RB1CC1: variants seen among roughly 807,000 people sequenced by gnomAD.
RB1CC1 encodes the protein RB1 inducible coiled-coil 1.
Under a neutral mutation model 177.5 loss-of-function variants are expected in RB1CC1, and 46 were observed. That is an observed-to-expected ratio of 0.26 (90% CI 0.20 to 0.33). The LOEUF is 0.33. Ranked by LOEUF, RB1CC1 falls within the 10% of genes least tolerant of loss-of-function variation. The probability of loss-of-function intolerance (pLI) is 1.00; values close to 1 mark genes in which losing one functional copy is unlikely to be tolerated. For missense variants in RB1CC1, 1,703 were observed against 1,816.3 expected, an observed-to-expected ratio of 0.94 and a Z score of 1.13; for synonymous variants, 666 against 613.6, an observed-to-expected ratio of 1.09 and a Z score of -1.26.
intron 20 of RB1CC1, among the ~76,000 whole-genome samples, chr8:52,631,228 C>G (rs1344052044): frequency 6.6e-6 from 1 of 152,060 alleles, no homozygotes; most frequent in Admixed American, 6.6e-5. Flanking sequence ...ACTTAGTTGT[C>G]CCAACGAACA....
chr8:52,696,738 C>G (rs1220418727), intron 1 of RB1CC1, among the ~76,000 whole-genome samples: 1 of 152,196 alleles, frequency 6.6e-6, no homozygotes, highest in Non-Finnish European at 1.5e-5. Flanking sequence ...CACAGTGGCT[C>G]ATGCCTGTAA....
At chr8:52,645,399 G>C (rs913568277) in intron 16 of RB1CC1, among the ~76,000 whole-genome samples, 5 of 152,134 alleles carry the variant, frequency 3.3e-5, no homozygotes, top group African/African-American at 1.2e-4. Context: ...CATAGGTAGC[G>C]AAGAAACCAG....
At chr8:52,635,978 T>A (rs374345878) in intron 19 of RB1CC1, 37 bp downstream of exon 19, 3 of 1,599,918 alleles carry the variant, frequency 1.9e-6, no homozygotes, top group Non-Finnish European at 2.6e-6. Context: ...AAAGTGAACA[T>A]ATTAAACATG....
chr8:52,712,674 T>C (rs1857159749), intron 1 of RB1CC1, among the ~76,000 whole-genome samples: 2 of 152,214 alleles, frequency 1.3e-5, no homozygotes, highest in South Asian at 4.1e-4. Flanking sequence ...CAATATCCAC[T>C]TTCCATCAAC....
At chr8:52,683,478 T>G in intron 5 of RB1CC1, 71 bp downstream of exon 5, 1 of 1,307,260 alleles carries the variant, frequency 7.6e-7, no homozygotes, top group Non-Finnish European at 1.0e-6. Context: ...CCTATGCAAT[T>G]TAGACTACTG....
rs1205274477 is a variant in RB1CC1, at chr8:52,678,970, C to T, written c.370-2399G>A. ...TCTCCTTCATGAAACCAACCAAATACAAAAGGGAAACAAGACACCATCTTG... is the reference window on the plus strand; with the variant it reads ...TCTCCTTCATGAAACCAACCAAATATAAAAGGGAAACAAGACACCATCTTG... On this transcript the variant is annotated intron_variant, in intron 5 of 23. Transcript: ENST00000025008. Among the ~76,000 whole-genome samples, 60 of 152,204 alleles carry T rather than the reference C, an allele frequency of 3.9e-4. No homozygotes were observed. The South Asian group carries it at 0.012, about 31-fold the overall frequency.
intron 21 of RB1CC1, among the ~76,000 whole-genome samples, chr8:52,628,881 C>T (rs113766598): frequency 0.019 from 2,829 of 152,252 alleles, 97 homozygotes; most frequent in African/African-American, 0.066. Flanking sequence ...TCAAAATCAG[C>T]TGGGGAAACT....
intron 7 of RB1CC1, 63 bp from the exon 8 acceptor site, chr8:52,668,254 G>T: frequency 1.3e-6 from 2 of 1,554,332 alleles, no homozygotes; most frequent in Non-Finnish European, 1.8e-6. Context: ...TGTATTTCAT[G>T]CTATTCTGAC....
chr8:52,707,438 T>C (rs1269515583), intron 1 of RB1CC1, among the ~76,000 whole-genome samples: 7 of 150,282 alleles, frequency 4.7e-5, no homozygotes, highest in African/African-American at 1.5e-4. Flanking sequence ...CTTTCTTTTT[T>C]TTTTTTTTTT....
chr8:52,660,874 T>TA, intron 11 of RB1CC1, 52 bp downstream of exon 11: 2 of 1,476,906 alleles, frequency 1.4e-6, no homozygotes. Context: ...TCCAAGCTTA[T>TA]AAAAACTTTT....
At chr8:52,632,913 G>GC (rs1330606214) in intron 20 of RB1CC1, among the ~76,000 whole-genome samples, 2 of 152,048 alleles carry the variant, frequency 1.3e-5, no homozygotes, top group African/African-American at 4.8e-5. Context: ...TGCTTTCTCG[G>GC]CCCCACTGCT....
intron 6 of RB1CC1, among the ~76,000 whole-genome samples, chr8:52,675,853 C>CTCCA (rs1853072088): frequency 6.7e-6 from 1 of 148,296 alleles, no homozygotes; most frequent in African/African-American, 2.5e-5. Context: ...CACCACTGTA[C>CTCCA]TCCAGCCTGG....
At chr8:52,665,224 A>C (rs1851965672) in intron 8 of RB1CC1, among the ~76,000 whole-genome samples, 1 of 152,258 alleles carries the variant, frequency 6.6e-6, no homozygotes, top group Non-Finnish European at 1.5e-5. Context: ...TATAATAGAC[A>C]AAGAACTATC....
At chr8:52,706,248 C>A (rs1231671988) in intron 1 of RB1CC1, among the ~76,000 whole-genome samples, 4 of 151,938 alleles carry the variant, frequency 2.6e-5, no homozygotes, top group Non-Finnish European at 5.9e-5. Context: ...AGATTCCCAC[C>A]AGCCTTCCCT....
In RB1CC1 at chr8:52,661,560, C is replaced by T. The variant is rs768942919; in HGVS notation, c.1333G>A (p.Ala445Thr). 13 of 1,607,376 alleles carry T rather than the reference C, an allele frequency of 8.1e-6. No homozygotes were observed. Among genetic ancestry groups the T allele is most frequent in the Non-Finnish European group, 1.0e-5 (12 of 1,177,472 alleles). Residue 445 changes from alanine to threonine, a missense_variant, in exon 9 of 24, where the codon GCA (alanine) becomes ACA (threonine). Physicochemically the swap from Ala to Thr is moderately conservative, Grantham distance 58. Coordinates refer to ENST00000025008, the MANE Select transcript of RB1CC1 (RefSeq NM_014781.5). ...QKCTTAKQEL[A>T]NNLHVRLKWC... is the part of the protein sequence containing the mutation. ...TTCAGTCTGACATGTAGGTTATTTG[C>T]TAGTTCTTGTTTGGCAGTGGTACAC...
chr8:52,637,065 G>A (rs546240457), intron 18 of RB1CC1, among the ~76,000 whole-genome samples: 1 of 152,176 alleles, frequency 6.6e-6, no homozygotes, highest in Non-Finnish European at 1.5e-5. Context: ...TGGGACTCTT[G>A]CAATTCCATA....
At chr8:52,672,218 G>A (rs1022274355) in intron 7 of RB1CC1, among the ~76,000 whole-genome samples, 1 of 151,966 alleles carries the variant, frequency 6.6e-6, no homozygotes, top group African/African-American at 2.4e-5. Flanking sequence ...CTTACCTCAC[G>A]TGATCCTCTC....
At chr8:52,635,309 A>G (rs1276863293) in intron 19 of RB1CC1, among the ~76,000 whole-genome samples, 2 of 152,184 alleles carry the variant, frequency 1.3e-5, no homozygotes, top group African/African-American at 4.8e-5. Context: ...CATCTGTAAC[A>G]TACATCTCAG....
chr8:52,638,351 T>C (rs1289314649), intron 18 of RB1CC1, among the ~76,000 whole-genome samples: 1 of 152,202 alleles, frequency 6.6e-6, no homozygotes, highest in East Asian at 1.9e-4. Context: ...ATTCCTTTTG[T>C]ATTCTGCCAG....
Sources: gnomAD v4.1 joint callset for allele counts (sites outside exome capture counted in the v4.1 genomes callset) on GRCh38, gnomAD v4.1.1 for gene constraint, MANE v1.5 for transcripts, NCBI Gene and HGNC (gene_info 2026-07-23, HGNC 2026-07-21) for gene names.